The following CRADD variants were observed in gnomAD, a reference collection of about 807,000 sequenced individuals.
The protein encoded by CRADD is CARD and death domain containing adaptor protein.
Under a neutral mutation model 15.5 loss-of-function variants are expected in CRADD, and 9 were observed. The ratio of observed to expected loss-of-function variants is 0.58; its 90% CI spans 0.35 to 1.01. The LOEUF is 1.01. Ranked by LOEUF, CRADD falls within the 50% of genes least tolerant of loss-of-function variation. CRADD has a pLI of 0.02. For synonymous variants in CRADD, 118 were observed against 107.6 expected, an observed-to-expected ratio of 1.10 and a Z score of -0.60; for missense variants, 227 against 250.3, an observed-to-expected ratio of 0.91 and a Z score of 0.63.
At chr12:93,834,104 G>A (rs1177225974) in intron 2 of CRADD, among the ~76,000 whole-genome samples, 1 of 152,190 alleles carries the variant, frequency 6.6e-6, no homozygotes, top group African/African-American at 2.4e-5. Context: ...AGAGTGCAGA[G>A]CCGGCACGTG....
At chr12:93,807,498 T>C (rs568028298) in intron 2 of CRADD, among the ~76,000 whole-genome samples, 2 of 152,230 alleles carry the variant, frequency 1.3e-5, no homozygotes, top group East Asian at 1.9e-4. Flanking sequence ...CTCCAGCTGA[T>C]GACCAGAGAC....
intron 2 of CRADD, among the ~76,000 whole-genome samples, chr12:93,757,589 C>T (rs1592965020): frequency 6.6e-6 from 1 of 152,148 alleles, no homozygotes; most frequent in African/African-American, 2.4e-5. Flanking sequence ...AATAACTTGT[C>T]GTTTTTCTGT....
At chr12:93,789,400 G>A (rs183953047) in intron 2 of CRADD, among the ~76,000 whole-genome samples, 308 of 152,248 alleles carry the variant, frequency 2.0e-3, no homozygotes, top group African/African-American at 5.3e-3. Context: ...TACAGTATTC[G>A]ACTTCCAGTA....
rs6538449 is a variant in CRADD, at chr12:93,738,281, G to T, written c.298+59209G>T. The T allele has an allele frequency of 0.038, 25,494 of 677,072 alleles. 1,783 individuals carry two copies. The highest frequency in any genetic ancestry group is 0.18 in the Admixed American group (8,338 of 46,178). The allele number at this position is 677,072 out of a possible 1,614,324, so 41.9% of individuals were successfully genotyped here. A position where few individuals can be genotyped will look rare whatever the true frequency, so the allele number is the denominator to read the frequency against. On this transcript the variant is annotated intron_variant, in intron 2 of 2. Coordinates refer to ENST00000332896, the MANE Select transcript of CRADD (RefSeq NM_003805.5). ...AAGGGCCAAAAGTGTCAGACTGTGG[G>T]GATGAGGACCTGAAGGAGGCCCATG...
At chr12:93,888,796 A>AC (rs1383658383) in intron 2 of CRADD, among the ~76,000 whole-genome samples, 1 of 152,210 alleles carries the variant, frequency 6.6e-6, no homozygotes, top group African/African-American at 2.4e-5. Flanking sequence ...GGTAGACTGA[A>AC]CCAACCACAT....
At chr12:93,791,071 T>C (rs1368125671) in intron 2 of CRADD, among the ~76,000 whole-genome samples, 1 of 152,088 alleles carries the variant, frequency 6.6e-6, no homozygotes, top group Admixed American at 6.6e-5. Flanking sequence ...AAATACTATA[T>C]TATGTAAATT....
At chr12:93,787,789 C>T (rs10859583) in intron 2 of CRADD, among the ~76,000 whole-genome samples, 15,600 of 152,090 alleles carry the variant, frequency 0.1, 1,080 homozygotes, top group Admixed American at 0.18. Context: ...GCCTATTGAC[C>T]TCATTTGTTC....
intron 2 of CRADD, among the ~76,000 whole-genome samples, chr12:93,740,206 G>GA (rs1316009688): frequency 1.3e-5 from 2 of 151,792 alleles, no homozygotes; most frequent in African/African-American, 2.4e-5. Context: ...TTTTAAAATA[G>GA]AAAAAAAATC....
intron 2 of CRADD, among the ~76,000 whole-genome samples, chr12:93,760,720 C>G (rs1956944679): frequency 6.6e-6 from 1 of 152,000 alleles, no homozygotes; most frequent in South Asian, 2.1e-4. Context: ...AACAAGCACC[C>G]ACTGCATACC....
At chr12:93,830,578 A>C (rs1957883742) in intron 2 of CRADD, among the ~76,000 whole-genome samples, 1 of 152,230 alleles carries the variant, frequency 6.6e-6, no homozygotes, top group Non-Finnish European at 1.5e-5. Context: ...TTAAAAGAAT[A>C]TTTATTAAGG....
rs1421129404 is a variant in CRADD at position 93,867,799 on chromosome 12, C to G, written c.299-26251C>G. Among the ~76,000 whole-genome samples the G allele has an allele frequency of 2.0e-5, 3 of 152,094 alleles. No individual in the cohort carries two copies. In the East Asian group the frequency reaches 5.8e-4, roughly 29 times the overall value. On this transcript the variant is annotated intron_variant, in intron 2 of 2. Transcript: ENST00000548483. ...CATCAGTATAGTCAGAAGCAACATG[C>G]CTGGACATAGAATCCAAATTGTTTT... is the stretch of plus-strand genomic sequence containing the variant.
intron 2 of CRADD, among the ~76,000 whole-genome samples, chr12:93,880,869 C>T (rs1479442731): frequency 6.6e-6 from 1 of 152,222 alleles, no homozygotes; most frequent in East Asian, 1.9e-4. Context: ...TCCTTCCTCA[C>T]TCTGGTTTCA....
chr12:93,758,964 G>A, intron 2 of CRADD, among the ~76,000 whole-genome samples: 1 of 152,270 alleles, frequency 6.6e-6, no homozygotes, highest in East Asian at 1.9e-4. Context: ...TTGTGCTTTT[G>A]TGGTATTTTG....
chr12:93,831,350 C>T (rs898291245), intron 2 of CRADD: 9 of 152,156 alleles, frequency 5.9e-5, no homozygotes, highest in African/African-American at 2.2e-4. Flanking sequence ...CTGGCCTGGG[C>T]AACATAGCAA....
At chr12:93,736,198 G>A (rs946237735) in intron 2 of CRADD, among the ~76,000 whole-genome samples, 1 of 152,068 alleles carries the variant, frequency 6.6e-6, no homozygotes, top group Non-Finnish European at 1.5e-5. Context: ...AAAAAAGAGA[G>A]AGCCTCAAAG....
chr12:93,758,122 T>A (rs1956911636), intron 2 of CRADD, among the ~76,000 whole-genome samples: 1 of 152,240 alleles, frequency 6.6e-6, no homozygotes. Flanking sequence ...TGTCAGTTAA[T>A]CCTCATTGCT....
chr12:93,735,089 C>T (rs922677381), intron 2 of CRADD, among the ~76,000 whole-genome samples: 4 of 152,100 alleles, frequency 2.6e-5, no homozygotes, highest in African/African-American at 7.2e-5. Flanking sequence ...TCATTTTCAC[C>T]GCTGTTTCCC....
At chr12:93,784,736 CA>C (rs1482714649) in intron 2 of CRADD, among the ~76,000 whole-genome samples, 1 of 152,028 alleles carries the variant, frequency 6.6e-6, no homozygotes, top group South Asian at 2.1e-4. Context: ...ATTTACTGTC[CA>C]GGGGGAAAGC....
At chr12:93,757,275 C>T (rs575066497) in intron 2 of CRADD, among the ~76,000 whole-genome samples, 5 of 152,230 alleles carry the variant, frequency 3.3e-5, no homozygotes, top group East Asian at 1.9e-4. Flanking sequence ...TTTGAATTCT[C>T]ATGCCTGTTT....
Sources: allele counts gnomAD v4.1 joint callset (sites outside exome capture counted in the v4.1 genomes callset), GRCh38; gene constraint gnomAD v4.1.1; transcripts MANE v1.5; gene names NCBI Gene and HGNC (gene_info 2026-07-23, HGNC 2026-07-21).